CNTNAP5: variants seen among roughly 807,000 people sequenced by gnomAD.
CNTNAP5 encodes contactin-associated protein-like 5.
CNTNAP5 carries 72 observed loss-of-function variants against 150.2 expected under a neutral mutation model. The observed-to-expected ratio is 0.48, with a 90% confidence interval of 0.40 to 0.58. The LOEUF is 0.58. Ranked by LOEUF, CNTNAP5 falls within the 20% of genes least tolerant of loss-of-function variation. The pLI is 0.00. For synonymous variants in CNTNAP5, 672 were observed against 619.8 expected, an observed-to-expected ratio of 1.08 and a Z score of -1.25; for missense variants, 1,636 against 1,626.2, an observed-to-expected ratio of 1.01 and a Z score of -0.10.
chr2:124,716,516 C>A (rs998438266), intron 13 of CNTNAP5, among the ~76,000 whole-genome samples: 3 of 151,516 alleles, frequency 2.0e-5, no homozygotes, highest in Non-Finnish European at 4.4e-5. Context: ...ATTAAAAATT[C>A]TAAATATCTT....
At chr2:124,377,712 C>CT (rs36086200) in intron 3 of CNTNAP5, among the ~76,000 whole-genome samples, 1,665 of 145,534 alleles carry the variant, frequency 0.011, 28 homozygotes, top group East Asian at 0.083. Flanking sequence ...ATAAATGCAC[C>CT]TTTTTTTTTT....
intron 21 of CNTNAP5, among the ~76,000 whole-genome samples, chr2:124,875,327 C>T (rs537952563): frequency 6.6e-6 from 1 of 152,176 alleles, no homozygotes; most frequent in African/African-American, 2.4e-5. Context: ...GAAGACTGAA[C>T]TCTAATTCCT....
intron 8 of CNTNAP5, among the ~76,000 whole-genome samples, chr2:124,511,644 C>T (rs1694593696): frequency 6.6e-6 from 1 of 152,196 alleles, no homozygotes; most frequent in Admixed American, 6.5e-5. Context: ...GGCCAACCCA[C>T]CCCTTATTAT....
intron 11 of CNTNAP5, among the ~76,000 whole-genome samples, chr2:124,572,059 A>G (rs553266119): frequency 3.3e-5 from 5 of 152,324 alleles, no homozygotes; most frequent in African/African-American, 1.2e-4. Flanking sequence ...GTTGATGAGT[A>G]TCCCAGATTT....
intron 1 of CNTNAP5, among the ~76,000 whole-genome samples, chr2:124,084,271 G>GTTTTTTTTTTTTT: frequency 6.9e-6 from 1 of 145,784 alleles, no homozygotes; most frequent in Non-Finnish European, 1.5e-5. Context: ...TTTTGTAGAG[G>GTTTTTTTTTTTTT]TTTTTTTTTT....
At chr2:124,627,133 C>G (rs1165542433) in intron 12 of CNTNAP5, among the ~76,000 whole-genome samples, 1 of 152,182 alleles carries the variant, frequency 6.6e-6, no homozygotes. Context: ...ATCTCAGGTT[C>G]AGCAGACTTA....
intron 6 of CNTNAP5, among the ~76,000 whole-genome samples, chr2:124,472,743 C>T (rs1693545534): frequency 6.6e-6 from 1 of 151,422 alleles, no homozygotes; most frequent in Non-Finnish European, 1.5e-5. Context: ...ATTAAGTGTG[C>T]AATAATCACA....
intron 7 of CNTNAP5, among the ~76,000 whole-genome samples, chr2:124,501,538 G>T (rs772699528): frequency 6.6e-6 from 1 of 152,160 alleles, no homozygotes. Context: ...CTAAATGGCC[G>T]GTGGGAACTT....
At chr2:124,157,227 C>A (rs921997234) in intron 1 of CNTNAP5, among the ~76,000 whole-genome samples, 1 of 152,154 alleles carries the variant, frequency 6.6e-6, no homozygotes, top group African/African-American at 2.4e-5. Context: ...CACCCTCTTC[C>A]CCTGGGTAGA....
intron 1 of CNTNAP5, among the ~76,000 whole-genome samples, chr2:124,197,221 C>T (rs528395240): frequency 5.9e-5 from 9 of 152,226 alleles, no homozygotes; most frequent in African/African-American, 1.9e-4. Context: ...TTCCATGGAT[C>T]CCTCCTTCCT....
intron 4 of CNTNAP5, among the ~76,000 whole-genome samples, chr2:124,419,152 A>AAAAAAAAAAAAAAAAAAAAAAAAAAAAAC (rs772412223): frequency 5.8e-5 from 7 of 120,964 alleles, no homozygotes; most frequent in Non-Finnish European, 1.3e-4. Flanking sequence ...AAAAAAAAAA[A>AAAAAAAAAAAAAAAAAAAAAAAAAAAAAC]AAAAAAAAAA....
chr2:124,118,111 TTTTC>T (rs1328948532), intron 1 of CNTNAP5, among the ~76,000 whole-genome samples: 2 of 152,130 alleles, frequency 1.3e-5, no homozygotes, highest in African/African-American at 4.8e-5. Context: ...TTAAAATCAT[TTTTC>T]TTTCAGTCCT....
chr2:124,221,681 C>T (rs763961372), intron 1 of CNTNAP5, 24 bp from the exon 2 acceptor site: 14 of 1,440,354 alleles, frequency 9.7e-6, no homozygotes, highest in African/African-American at 1.4e-5. Flanking sequence ...TGGTCTCTCT[C>T]CCTCTGTCCT....
chr2:124,887,262 A>G (rs997800428), intron 21 of CNTNAP5, among the ~76,000 whole-genome samples: 2 of 151,980 alleles, frequency 1.3e-5, no homozygotes, highest in African/African-American at 2.4e-5. Context: ...TATCACTCCC[A>G]CTTTGAAACA....
intron 18 of CNTNAP5, among the ~76,000 whole-genome samples, chr2:124,791,392 G>C (rs1681726013): frequency 1.3e-5 from 2 of 152,174 alleles, no homozygotes; most frequent in African/African-American, 4.8e-5. Flanking sequence ...TTCCATTCCA[G>C]GGGCTCATAT....
At chr2:124,389,065 A>T (rs1691040655) in intron 3 of CNTNAP5, among the ~76,000 whole-genome samples, 2 of 152,146 alleles carry the variant, frequency 1.3e-5, no homozygotes, top group Non-Finnish European at 2.9e-5. Flanking sequence ...CTCTTTTTTT[A>T]AAAATCTTAT....
At chr2:124,704,190 A>G (rs1679584454) in intron 13 of CNTNAP5, among the ~76,000 whole-genome samples, 1 of 152,172 alleles carries the variant, frequency 6.6e-6, no homozygotes, top group Admixed American at 6.6e-5. Context: ...GAGTGGGGCG[A>G]CCTAACCCAC....
At chr2:124,481,071 G>A (rs534905045) in intron 7 of CNTNAP5, among the ~76,000 whole-genome samples, 21 of 152,306 alleles carry the variant, frequency 1.4e-4, no homozygotes, top group African/African-American at 4.8e-4. Flanking sequence ...CACAGCTCTG[G>A]AGGCTGGAAA....
At chr2:124,374,939 G>A (rs998178872) in intron 3 of CNTNAP5, among the ~76,000 whole-genome samples, 2 of 151,762 alleles carry the variant, frequency 1.3e-5, no homozygotes, top group Non-Finnish European at 2.9e-5. Context: ...ATGAGAGAGA[G>A]AAAATAAATC....
Sources: allele counts gnomAD v4.1 joint callset (sites outside exome capture counted in the v4.1 genomes callset), GRCh38; gene constraint gnomAD v4.1.1; transcripts MANE v1.5; gene names NCBI Gene and HGNC (gene_info 2026-07-23, HGNC 2026-07-21).